The following CD28 variants were observed in gnomAD, a reference collection of about 807,000 sequenced individuals.
The protein encoded by CD28 is T-cell-specific surface glycoprotein CD28.
CD28 carries 8 observed loss-of-function variants against 21.4 expected under a neutral mutation model. The ratio of observed to expected loss-of-function variants is 0.37; its 90% confidence interval spans 0.22 to 0.68. The LOEUF (loss-of-function observed/expected upper bound fraction) is 0.68. CD28 is among the 30% of genes least tolerant of loss of function. The pLI is 0.55. For missense variants in CD28, 239 were observed against 272.2 expected (o/e 0.88, Z 0.86); for synonymous variants, 106 against 104.0 (o/e 1.02, Z -0.12).
intron 1 of CD28, among the ~76,000 whole-genome samples, chr2:203,708,925 G>T (rs185305045): frequency 6.6e-6 from 1 of 152,036 alleles, no homozygotes; most frequent in African/African-American, 2.4e-5. Flanking sequence ...TTGGAGACCC[G>T]TCGGGCTAAC....
intron 1 of CD28, 125 bp downstream of exon 1, chr2:203,706,873 G>C: frequency 4.2e-6 from 3 of 707,196 alleles, no homozygotes; most frequent in Non-Finnish European, 4.9e-6. Context: ...TGCTGTAATA[G>C]GGCAATGTGT....
intron 1 of CD28, among the ~76,000 whole-genome samples, chr2:203,710,071 T>C (rs1197041077): frequency 1.3e-5 from 2 of 152,218 alleles, no homozygotes; most frequent in Non-Finnish European, 2.9e-5. Flanking sequence ...AAAGAAGTAA[T>C]TTGTTTCTCA....
At chr2:203,734,725 A>C in intron 3 of CD28, 59 bp from the exon 4 acceptor site, 1 of 1,590,564 alleles carries the variant, frequency 6.3e-7, no homozygotes, top group Non-Finnish European at 8.6e-7. Context: ...TTGTGCCCAC[A>C]GTCTTAGAAC....
rs1693474270 is a variant in CD28 at position 203,716,847 on chromosome 2, T to C, written c.53-9786T>C. Among the ~76,000 whole-genome samples, 3 of 152,158 alleles carry C rather than the reference T, an allele frequency of 2.0e-5. No homozygotes were observed. In the South Asian group the frequency reaches 6.2e-4, roughly 32 times the overall value. On this transcript the variant is annotated intron_variant, in intron 1 of 3. Coordinates refer to ENST00000324106, the MANE Select transcript of CD28 (RefSeq NM_006139.4). The stretch of plus-strand genomic sequence containing the variant: ...CTTCTTTACTAAATTATTTATTTAT[T>C]TGAGATGGGGTCTCACTTTGTTGCT...
At chr2:203,733,469 CAT>C (rs1214022397) in intron 3 of CD28, among the ~76,000 whole-genome samples, 1 of 151,620 alleles carries the variant, frequency 6.6e-6, no homozygotes, top group Non-Finnish European at 1.5e-5. Context: ...TTATTTTAGA[CAT>C]GTTGAGTTTA....
At chr2:203,717,997 A>G (rs958348577) in intron 1 of CD28, among the ~76,000 whole-genome samples, 2 of 152,196 alleles carry the variant, frequency 1.3e-5, no homozygotes, top group African/African-American at 2.4e-5. Flanking sequence ...TCATTTTAAC[A>G]TGAATTTCTG....
At chr2:203,725,293 GAA>G (rs10712299) in intron 1 of CD28, among the ~76,000 whole-genome samples, 1,529 of 142,592 alleles carry the variant, frequency 0.011, 26 homozygotes, top group African/African-American at 0.036. Flanking sequence ...TCCGTCTCCA[GAA>G]AAAAAAAAAA....
At chr2:203,716,790 G>C (rs1394838949) in intron 1 of CD28, among the ~76,000 whole-genome samples, 1 of 152,054 alleles carries the variant, frequency 6.6e-6, no homozygotes, top group African/African-American at 2.4e-5. Flanking sequence ...AAGGTTAAAG[G>C]TGGGGCTTAG....
intron 3 of CD28, among the ~76,000 whole-genome samples, chr2:203,734,142 A>G (rs1693964940): frequency 6.6e-6 from 1 of 152,242 alleles, no homozygotes; most frequent in South Asian, 2.1e-4. Context: ...CCTAACCCTT[A>G]GTCAAAAATT....
chr2:203,725,736 A>T (rs1290757582), intron 1 of CD28, among the ~76,000 whole-genome samples: 1 of 152,244 alleles, frequency 6.6e-6, no homozygotes, highest in East Asian at 1.9e-4. Flanking sequence ...GAATAGATCT[A>T]TGAATTTCTT....
intron 3 of CD28, 39 bp downstream of exon 3, chr2:203,729,811 T>C: frequency 6.2e-7 from 1 of 1,602,770 alleles, no homozygotes; most frequent in Non-Finnish European, 8.5e-7. Flanking sequence ...ACTTTTCCAC[T>C]GCACATGAAA....
chr2:203,730,216 C>T (rs1693851661), intron 3 of CD28, among the ~76,000 whole-genome samples: 1 of 152,098 alleles, frequency 6.6e-6, no homozygotes, highest in Non-Finnish European at 1.5e-5. Context: ...TGTATTCAAA[C>T]CTAGCAAAGA....
chr2:203,734,661 A>T, intron 3 of CD28, 123 bp from the exon 4 acceptor site: 1 of 1,225,806 alleles, frequency 8.2e-7, no homozygotes, highest in South Asian at 1.3e-5. Context: ...AAGGTGCTCA[A>T]AAAAGGTTAG....
At chr2:203,714,031 A>C (rs1180615704) in intron 1 of CD28, among the ~76,000 whole-genome samples, 1 of 151,888 alleles carries the variant, frequency 6.6e-6, no homozygotes, top group Non-Finnish European at 1.5e-5. Flanking sequence ...GTTGCATAGG[A>C]GATGAGTGTA....
Position 203,726,738 on chromosome 2 carries a change from C to T in CD28, c.158C>T (p.Ala53Val). The T allele has an allele frequency of 6.2e-7, 1 of 1,613,976 alleles. No individual in the cohort carries two copies. The highest frequency in any genetic ancestry group is 8.5e-7 in the Non-Finnish European group (1 of 1,179,894). Residue 53 changes from alanine to valine, a missense_variant, in exon 2 of 4, where the codon GCA (alanine) becomes GTA (valine). Physicochemically the swap from Ala to Val is moderately conservative, Grantham distance 64 (BLOSUM62 0). Coordinates refer to ENST00000324106, the MANE Select transcript of CD28 (RefSeq NM_006139.4). ...SYNLFSREFR[A>V]SLHKGLDSAV... is the part of the protein sequence containing the mutation. ...AATCTCTTCTCAAGGGAGTTCCGGG[C>T]ATCCCTTCACAAAGGACTGGATAGT...
chr2:203,737,906 T>C lies in CD28; in HGVS notation c.*2994T>C, dbSNP rs541408893. The C allele has an allele frequency of 6.6e-6, 1 of 152,600 alleles. No individual in the cohort carries two copies. The highest frequency in any genetic ancestry group is 1.5e-5 in the Non-Finnish European group (1 of 68,032). The allele number at this position is 152,600 out of a possible 1,614,324, so 9.5% of individuals were successfully genotyped here. ...GAAAGATATGCTTTCAGAATAGATA[T>C]GCTTCGCTTTGGCAAGGAATTTGGA... is the stretch of plus-strand genomic sequence containing the variant. On this transcript the variant is annotated 3_prime_UTR_variant, in exon 4 of 4. Transcript: ENST00000324106.
chr2:203,708,229 C>T (rs1693214278), intron 1 of CD28, among the ~76,000 whole-genome samples: 1 of 152,062 alleles, frequency 6.6e-6, no homozygotes, highest in Non-Finnish European at 1.5e-5. Flanking sequence ...TCTGACGTAC[C>T]AGTGAGCACA....
At chr2:203,718,249 G>C (rs1157472633) in intron 1 of CD28, among the ~76,000 whole-genome samples, 3 of 152,192 alleles carry the variant, frequency 2.0e-5, no homozygotes, top group Admixed American at 6.5e-5. Flanking sequence ...CAACCACCGG[G>C]TTGTCTTGTG....
chr2:203,708,203 C>A (rs772252586), intron 1 of CD28, among the ~76,000 whole-genome samples: 1 of 152,098 alleles, frequency 6.6e-6, no homozygotes, highest in Non-Finnish European at 1.5e-5. Flanking sequence ...TGCATATATA[C>A]CCGTTTATTT....
Sources: gnomAD v4.1 joint callset for allele counts (sites outside exome capture counted in the v4.1 genomes callset) on GRCh38, gnomAD v4.1.1 for gene constraint, MANE v1.5 for transcripts, NCBI Gene and HGNC (gene_info 2026-07-23, HGNC 2026-07-21) for gene names.